The following IPCEF1 variants were observed in gnomAD, a reference collection of about 807,000 sequenced individuals.
IPCEF1 encodes interactor protein for cytohesin exchange factors 1.
IPCEF1 carries 31 observed loss-of-function variants against 50.9 expected under a neutral mutation model. That is an observed-to-expected ratio of 0.61 (90% CI 0.46 to 0.82). The LOEUF (loss-of-function observed/expected upper bound fraction) is 0.82. Ranked by LOEUF, IPCEF1 falls within the 40% of genes least tolerant of loss-of-function variation. The pLI, the probability that IPCEF1 is intolerant of heterozygous loss-of-function variation, is 0.00. For synonymous variants in IPCEF1, 181 were observed against 192.0 expected, an observed-to-expected ratio of 0.94 and a Z score of 0.47; for missense variants, 458 against 514.0, an observed-to-expected ratio of 0.89 and a Z score of 1.05.
chr6:154,346,513 G>T (rs374957742), intron 1 of IPCEF1, among the ~76,000 whole-genome samples: 1 of 152,122 alleles, frequency 6.6e-6, no homozygotes, highest in South Asian at 2.1e-4. Flanking sequence ...TAGAAAGAAT[G>T]GATGGACTAT....
intron 3 of IPCEF1, among the ~76,000 whole-genome samples, chr6:154,259,748 A>C (rs1781549301): frequency 6.6e-6 from 1 of 152,148 alleles, no homozygotes; most frequent in Admixed American, 6.6e-5. Flanking sequence ...TTTTCTACTT[A>C]ATGAGCCCCT....
intron 1 of IPCEF1, among the ~76,000 whole-genome samples, chr6:154,320,551 G>T (rs1198932103): frequency 6.6e-6 from 1 of 152,154 alleles, no homozygotes; most frequent in Non-Finnish European, 1.5e-5. Context: ...TGATTAAAAA[G>T]GGTGGTAGTC....
chr6:154,326,868 C>T (rs1416598783), intron 1 of IPCEF1, among the ~76,000 whole-genome samples: 1 of 152,126 alleles, frequency 6.6e-6, no homozygotes, highest in Non-Finnish European at 1.5e-5. Context: ...AGAACAGACA[C>T]ATAGACCAAT....
intron 2 of IPCEF1, among the ~76,000 whole-genome samples, chr6:154,280,200 C>G (rs2128663357): frequency 6.6e-6 from 1 of 152,284 alleles, no homozygotes; most frequent in South Asian, 2.1e-4. Flanking sequence ...ATGTACATGC[C>G]TCAGATATGT....
intron 3 of IPCEF1, among the ~76,000 whole-genome samples, chr6:154,249,964 G>A (rs1781296910): frequency 2.0e-5 from 3 of 151,452 alleles, no homozygotes; most frequent in Admixed American, 2.0e-4. Flanking sequence ...GAGTCATTGA[G>A]TCAACCCTGT....
chr6:154,214,117 C>T, intron 8 of IPCEF1, 101 bp downstream of exon 8: 1 of 791,552 alleles, frequency 1.3e-6, no homozygotes, highest in East Asian at 2.5e-5. Flanking sequence ...CATGTTTCCT[C>T]AGGATCAGAC....
intron 10 of IPCEF1, among the ~76,000 whole-genome samples, chr6:154,183,083 G>A (rs1196632931): frequency 6.6e-6 from 1 of 151,996 alleles, no homozygotes; most frequent in Admixed American, 6.6e-5. Context: ...AGGTTCAAGT[G>A]ATTCTCCTGC....
At chr6:154,226,846 T>C (rs1157378898) in intron 5 of IPCEF1, among the ~76,000 whole-genome samples, 1 of 151,826 alleles carries the variant, frequency 6.6e-6, no homozygotes, top group Non-Finnish European at 1.5e-5. Context: ...CACAATTTCA[T>C]CTCTCCCCCT....
chr6:154,278,233 A>G (rs1247161985), intron 2 of IPCEF1, among the ~76,000 whole-genome samples: 1 of 151,652 alleles, frequency 6.6e-6, no homozygotes, highest in African/African-American at 2.4e-5. Flanking sequence ...CTATGACCTC[A>G]CAGGCACCAC....
chr6:154,260,356 A>G (rs895679220), intron 3 of IPCEF1, among the ~76,000 whole-genome samples: 7 of 152,182 alleles, frequency 4.6e-5, no homozygotes, highest in Non-Finnish European at 8.8e-5. Context: ...TACAGGAACT[A>G]TGTATAACAG....
intron 1 of IPCEF1, among the ~76,000 whole-genome samples, chr6:154,319,405 A>T (rs1237186037): frequency 1.3e-5 from 2 of 152,240 alleles, no homozygotes; most frequent in Non-Finnish European, 2.9e-5. Flanking sequence ...CAGCATCTAC[A>T]TCTGTTTCTC....
At chr6:154,333,202 T>C (rs775151527) in intron 1 of IPCEF1, among the ~76,000 whole-genome samples, 9 of 152,082 alleles carry the variant, frequency 5.9e-5, no homozygotes, top group Admixed American at 3.9e-4. Context: ...CTTGATTGGA[T>C]TGAAGGATGC....
chr6:154,201,681 G>A (rs1777081654), intron 9 of IPCEF1, among the ~76,000 whole-genome samples: 2 of 152,136 alleles, frequency 1.3e-5, no homozygotes, highest in Non-Finnish European at 2.9e-5. Context: ...GATCTCTTGA[G>A]GTGAGGAGTT....
chr6:154,194,310 A>C (rs566949794), intron 10 of IPCEF1, among the ~76,000 whole-genome samples: 1 of 152,292 alleles, frequency 6.6e-6, no homozygotes, highest in South Asian at 2.1e-4. Flanking sequence ...GAGGCAGGAG[A>C]ATCACTTGAA....
intron 7 of IPCEF1, 101 bp from the exon 8 acceptor site, chr6:154,214,377 A>T: frequency 1.2e-6 from 1 of 834,496 alleles, no homozygotes; most frequent in Non-Finnish European, 2.1e-6. Flanking sequence ...TGATTCTACC[A>T]TCAGTCTGCA....
At chr6:154,197,955 TG>T (rs1023193653) in intron 10 of IPCEF1, among the ~76,000 whole-genome samples, 18 of 152,344 alleles carry the variant, frequency 1.2e-4, no homozygotes, top group African/African-American at 4.1e-4. Context: ...GTCCTATATC[TG>T]GAAGTCTCTT....
intron 1 of IPCEF1, chr6:154,306,803 A>G (rs1246535003): frequency 6.6e-6 from 1 of 152,246 alleles, no homozygotes; most frequent in African/African-American, 2.4e-5. Flanking sequence ...AAAGTCAGAC[A>G]TCTAGCCAAT....
chr6:154,298,348 C>T (rs1026001390), intron 1 of IPCEF1, among the ~76,000 whole-genome samples: 4 of 152,276 alleles, frequency 2.6e-5, no homozygotes, highest in African/African-American at 7.2e-5. Flanking sequence ...TTTGATGTAA[C>T]GATTTCCCAA....
At chr6:154,263,474 C>T (rs1034047026) in intron 3 of IPCEF1, among the ~76,000 whole-genome samples, 2 of 123,890 alleles carry the variant, frequency 1.6e-5, no homozygotes, top group African/African-American at 6.0e-5. Context: ...CTTCAAGCAT[C>T]TGTTTAACAA....
Sources: gnomAD v4.1 joint callset for allele counts (sites outside exome capture counted in the v4.1 genomes callset) on GRCh38, gnomAD v4.1.1 for gene constraint, MANE v1.5 for transcripts, NCBI Gene and HGNC (gene_info 2026-07-23, HGNC 2026-07-21) for gene names.